ZFC3H1: variants seen among roughly 807,000 people sequenced by gnomAD.
ZFC3H1 encodes zinc finger C3H1-type containing.
In ZFC3H1, 71 loss-of-function variants were observed where a neutral mutation model predicts 243.7. The observed-to-expected ratio is 0.29, with a 90% CI of 0.24 to 0.36. The LOEUF is 0.36. Among genes scored for constraint, ZFC3H1 ranks in the 10% least tolerant of loss-of-function variants. ZFC3H1 has a pLI of 1.00. For synonymous variants in ZFC3H1, 838 were observed against 813.0 expected (o/e 1.03, Z -0.52); for missense variants, 1,966 against 2,317.1 (o/e 0.85, Z 3.11).
chr12:71,651,383 T>G (rs1880882727), intron 2 of ZFC3H1, among the ~76,000 whole-genome samples: 1 of 152,202 alleles, frequency 6.6e-6, no homozygotes, highest in Admixed American at 6.5e-5. Flanking sequence ...CTGCTATACT[T>G]TTTCTCTTTC....
At chr12:71,637,470 G>A (rs1365017782) in intron 7 of ZFC3H1, among the ~76,000 whole-genome samples, 2 of 152,022 alleles carry the variant, frequency 1.3e-5, no homozygotes, top group East Asian at 3.9e-4. Flanking sequence ...TAGAAACCAA[G>A]GGATTCTGTG....
intron 25 of ZFC3H1, 41 bp from the exon 26 acceptor site, chr12:71,620,165 A>G (rs1246055409): frequency 6.2e-7 from 1 of 1,611,818 alleles, no homozygotes; most frequent in Admixed American, 1.7e-5. Context: ...ACATGAAAAG[A>G]TCACTTTTTA....
At chr12:71,644,617 G>A (rs1368945694) in intron 4 of ZFC3H1, among the ~76,000 whole-genome samples, 1 of 152,128 alleles carries the variant, frequency 6.6e-6, no homozygotes, top group Non-Finnish European at 1.5e-5. Flanking sequence ...AGGAGTTTGA[G>A]ACCAGTTAGC....
At chr12:71,650,566 C>T (rs779186789) in intron 2 of ZFC3H1, among the ~76,000 whole-genome samples, 7 of 151,986 alleles carry the variant, frequency 4.6e-5, no homozygotes, top group Non-Finnish European at 7.4e-5. Context: ...TGAGAATATC[C>T]CTAGAAAATG....
At chr12:71,642,352 T>C (rs1467245709) in intron 6 of ZFC3H1, 84 bp downstream of exon 6, 6 of 1,425,818 alleles carry the variant, frequency 4.2e-6, no homozygotes, top group Non-Finnish European at 5.6e-6. Flanking sequence ...CATTACACAT[T>C]TCTTTAAAGG....
intron 19 of ZFC3H1, 30 bp from the exon 20 acceptor site, chr12:71,629,067 G>A: frequency 6.5e-7 from 1 of 1,539,030 alleles, no homozygotes; most frequent in East Asian, 2.3e-5. Context: ...ATTGTTAATT[G>A]ATATAACTAG....
chr12:71,617,913 C>T (rs150627616), intron 27 of ZFC3H1, among the ~76,000 whole-genome samples: 131 of 152,240 alleles, frequency 8.6e-4, no homozygotes, highest in African/African-American at 3.1e-3. Flanking sequence ...TATAAAGACT[C>T]AAGTCTGGGA....
At chr12:71,661,585 G>C (rs901154762) in intron 1 of ZFC3H1, among the ~76,000 whole-genome samples, 1 of 148,880 alleles carries the variant, frequency 6.7e-6, no homozygotes, top group Non-Finnish European at 1.5e-5. Context: ...GAGTTCAATC[G>C]GTTCTCCTGC....
chr12:71,622,421 C>T (rs1880053826), intron 24 of ZFC3H1, among the ~76,000 whole-genome samples: 1 of 152,074 alleles, frequency 6.6e-6, no homozygotes. Context: ...GGGTTCATGG[C>T]CTGTATCAAA....
At chr12:71,633,931 T>C (rs1389985199) in intron 12 of ZFC3H1, among the ~76,000 whole-genome samples, 5 of 152,356 alleles carry the variant, frequency 3.3e-5, no homozygotes, top group Admixed American at 1.3e-4. Context: ...TTGCTATGAT[T>C]ATAGGCGTGA....
rs150088226 is a variant in ZFC3H1, at chr12:71,610,121, T to TA, written c.*306dup. On this transcript the variant is annotated 3_prime_UTR_variant, in exon 35 of 35. Transcript: ENST00000378743. ...CAAAATAAAGGAATGGGGGAGAAAA[T>TA]AAAAAAAAACAAAGCAAAATTAAAA... The TA allele has an allele frequency of 1.5e-3, 284 of 190,696 alleles. No homozygotes were observed. The highest frequency in any genetic ancestry group is 2.1e-3 in the Middle Eastern group (1 of 482). The allele number at this position is 190,696 out of a possible 1,614,324, so 11.8% of individuals were successfully genotyped here.
rs373974920 is a variant in ZFC3H1 at position 71,636,503 on chromosome 12, C to T, written c.2087G>A (p.Arg696Gln). ...TTTTGTTTTTACCGAGATCACAGTT[C>T]GTGGAAGACGGGGTCCTCTGTGAAA... is the stretch of plus-strand genomic sequence containing the variant. ...PKFHRGPRLP[R>Q]TVISLPKHKS... Residue 696 changes from arginine to glutamine, a missense_variant, in exon 9 of 35, where the codon CGA (arginine) becomes CAA (glutamine). Physicochemically the swap from Arg to Gln is conservative, Grantham distance 43. Around this residue, in one of 4 missense-constraint regions of ZFC3H1, gnomAD observed 1,383 missense variants for 1,723.7 expected, o/e 0.80. Transcript: ENST00000378743. The T allele has an allele frequency of 1.2e-6, 2 of 1,600,670 alleles. No homozygotes were observed. The highest frequency in any genetic ancestry group is 1.4e-5 in the African/African-American group (1 of 73,978).
chr12:71,636,822 C>T lies in ZFC3H1; in HGVS notation c.1935+28G>A, dbSNP rs201554629. On this transcript the variant is annotated intron_variant, in intron 8 of 34. Transcript: ENST00000378743. Reference sequence around the variant, plus strand: ...ACCGTAAAGCTAAGCTCAAGAGCACCACCTAGAGGTTTAGGTACCTAAATT... The same window carrying T: ...ACCGTAAAGCTAAGCTCAAGAGCACTACCTAGAGGTTTAGGTACCTAAATT... 7.8e-5 allele frequency: 125 copies of T among 1,608,982 alleles called. 3 individuals are homozygous for T. In the African/African-American group the frequency reaches 9.1e-4, roughly 12 times the overall value.
chr12:71,638,613 G>A, intron 6 of ZFC3H1, 98 bp from the exon 7 acceptor site: 1 of 962,432 alleles, frequency 1.0e-6, no homozygotes, highest in Non-Finnish European at 1.5e-6. Flanking sequence ...TCTAGGTGGA[G>A]TGCAAATTAG....
intron 1 of ZFC3H1, 143 bp from the exon 2 acceptor site, chr12:71,657,444 T>C (rs1384732721): frequency 2.5e-5 from 18 of 707,586 alleles, no homozygotes; most frequent in Admixed American, 6.9e-5. Flanking sequence ...TAAATTCCAT[T>C]TAATGTATGT....
In ZFC3H1 at chr12:71,610,059, C is replaced by G. The variant is rs183858587; in HGVS notation, c.*369G>C. On this transcript the variant is annotated 3_prime_UTR_variant, in exon 35 of 35. Transcript: ENST00000378743. ...TATTAAATCCCAAACAGGAATCTCT[C>G]AGGCATCAGAGAGTGTCAAGTGAGT... 1.3e-5 allele frequency: 2 copies of G among 157,202 alleles called. No individual in the cohort carries two copies. The highest frequency in any genetic ancestry group is 3.7e-4 in the East Asian group (2 of 5,338). 9.7% of individuals were successfully genotyped at this position (157,202 alleles called of 1,614,324 possible). A position where few individuals can be genotyped will look rare whatever the true frequency, so the allele number is the denominator to read the frequency against.
At position 71,632,929 on chromosome 12, in the gene ZFC3H1, C is replaced by T. The variant is rs1365429337; in HGVS notation, c.2774G>A (p.Ser925Asn). The T allele has an allele frequency of 6.2e-7, 1 of 1,613,348 alleles. No individual in the cohort carries two copies. The highest frequency in any genetic ancestry group is 8.5e-7 in the Non-Finnish European group (1 of 1,179,834). Residue 925 changes from serine to asparagine, a missense_variant, in exon 14 of 35, where the codon AGT becomes AAT. Physicochemically the swap from Ser to Asn is conservative, Grantham distance 46. Transcript: ENST00000378743. The part of the protein sequence containing the change: ...EELARAKAVA[S>N]KEIGKRKLEQ... ...CAGTTTACGTTTTCCTATTTCTTTA[C>T]TGGCCACTGCCTTTGCCCGAGCAAG...
Position 71,644,200 on chromosome 12 carries a change from C to T in ZFC3H1, c.1398G>A (p.Arg466=), listed in dbSNP as rs748703836. The T allele has an allele frequency of 6.2e-7, 1 of 1,610,630 alleles. No homozygotes were observed. The highest frequency in any genetic ancestry group is 1.7e-5 in the Admixed American group (1 of 59,914). The change falls in exon 5 of 35, where the codon AGG becomes AGA. Residue 466 remains arginine, a synonymous_variant. Coordinates refer to ENST00000378743, the MANE Select transcript of ZFC3H1 (RefSeq NM_144982.5). ...TTTTTCTGATTTCTTCCTCTCTTTT[C>T]CTTCTCTCTTCTTCTTCAGCTTGTT... The part of the protein sequence containing the change: ...QRKQAEEEER[R]KREEEIRKIR...
intron 27 of ZFC3H1, among the ~76,000 whole-genome samples, chr12:71,616,652 G>A (rs1029972747): frequency 1.3e-5 from 2 of 151,958 alleles, no homozygotes; most frequent in African/African-American, 4.8e-5. Context: ...TGTTTTTAAA[G>A]GAAATACATT....
Sources: allele counts gnomAD v4.1 joint callset (sites outside exome capture counted in the v4.1 genomes callset), GRCh38; gene constraint gnomAD v4.1.1; regional missense constraint gnomAD v4.1.1; transcripts MANE v1.5; gene names NCBI Gene and HGNC (gene_info 2026-07-23, HGNC 2026-07-21).